CDC42BPA: variants seen among roughly 807,000 people sequenced by gnomAD.
CDC42BPA encodes the protein CDC42 binding protein kinase alpha.
Under a neutral mutation model 223.5 loss-of-function variants are expected in CDC42BPA, and 80 were observed. The observed-to-expected ratio is 0.36, with a 90% confidence interval of 0.30 to 0.43. The LOEUF is 0.43. Among genes scored for constraint, CDC42BPA ranks in the 20% least tolerant of loss-of-function variants. The pLI is 1.00. For missense variants in CDC42BPA, 1,743 were observed against 2,099.9 expected (o/e 0.83, Z 3.32); for synonymous variants, 694 against 718.6 (o/e 0.97, Z 0.55).
chr1:227,087,497 T>C (rs1397963352), intron 16 of CDC42BPA, among the ~76,000 whole-genome samples: 2 of 152,366 alleles, frequency 1.3e-5, no homozygotes, highest in Non-Finnish European at 2.9e-5. Context: ...ACTCAAAATA[T>C]CTGAACTATT....
intron 9 of CDC42BPA, among the ~76,000 whole-genome samples, chr1:227,140,201 T>C (rs1452413300): frequency 1.3e-5 from 2 of 152,152 alleles, no homozygotes; most frequent in African/African-American, 4.8e-5. Context: ...CTGCTGGACA[T>C]TTGGTGGTGA....
chr1:227,175,395 G>A (rs1666773509), intron 5 of CDC42BPA, among the ~76,000 whole-genome samples: 1 of 151,972 alleles, frequency 6.6e-6, no homozygotes, highest in African/African-American at 2.4e-5. Context: ...TAGAAAAAAA[G>A]TCATAGTCTA....
At chr1:227,169,890 A>C (rs1282612636) in intron 5 of CDC42BPA, among the ~76,000 whole-genome samples, 1 of 152,188 alleles carries the variant, frequency 6.6e-6, no homozygotes, top group East Asian at 1.9e-4. Flanking sequence ...CTCCTCATAC[A>C]TTTGGACCAT....
intron 5 of CDC42BPA, among the ~76,000 whole-genome samples, chr1:227,174,014 A>G (rs554867849): frequency 1.1e-4 from 17 of 152,234 alleles, no homozygotes; most frequent in African/African-American, 3.9e-4. Flanking sequence ...TATAGTAACT[A>G]TATTTATATT....
At chr1:227,054,338 G>C (rs529632109) in intron 21 of CDC42BPA, among the ~76,000 whole-genome samples, 6 of 152,308 alleles carry the variant, frequency 3.9e-5, no homozygotes, top group African/African-American at 1.4e-4. Context: ...CAGCAGGTCT[G>C]CTCTTTGAGC....
In CDC42BPA at chr1:226,990,708, TTAATGATACCTGAGATGCCACA is replaced by T. The variant is rs1202344688; in HGVS notation, c.*3538_*3559del. On this transcript the variant is annotated 3_prime_UTR_variant, in exon 37 of 37. Coordinates refer to ENST00000366766, the MANE Select transcript of CDC42BPA (RefSeq NM_001394014.1). ...TGCTCACCCCTGCTCTGGCTTTTCC[TTAATGATACCTGAGATGCCACA>T]TAAATGTAACCAGTCTTTCTCAGAA... 1 of 152,690 alleles carries T rather than the reference TTAATGATACCTGAGATGCCACA, an allele frequency of 6.5e-6. No individual in the cohort carries two copies. Among genetic ancestry groups the T allele is most frequent in the African/African-American group, 2.4e-5 (1 of 41,456 alleles). 9.5% of individuals were successfully genotyped at this position (152,690 alleles called of 1,614,324 possible).
chr1:227,154,550 C>A (rs903884149), intron 6 of CDC42BPA, among the ~76,000 whole-genome samples: 26 of 151,972 alleles, frequency 1.7e-4, no homozygotes, highest in Non-Finnish European at 2.4e-4. Context: ...TATACAAAAT[C>A]AATTCTAATC....
Position 227,276,640 on chromosome 1 carries a change from G to A in CDC42BPA, c.179-22485C>T, listed in dbSNP as rs529393128. ...GCGGTTTTGTCTAATAGAAAGGGGG[G>A]AAATGTGGGGAAAGGAAAGAGAGAT... On this transcript the variant is annotated intron_variant, in intron 1 of 36. Transcript: ENST00000366766. 1.1e-4 allele frequency among the ~76,000 whole-genome samples: 17 copies of A among 152,354 alleles called. No homozygotes were observed. The South Asian group carries it at 2.9e-3, about 26-fold the overall frequency.
chr1:227,288,305 G>A (rs944542729), intron 1 of CDC42BPA, among the ~76,000 whole-genome samples: 3 of 152,152 alleles, frequency 2.0e-5, no homozygotes, highest in Admixed American at 1.3e-4. Flanking sequence ...AGCCCAGGAG[G>A]TCTAAGCTGC....
intron 5 of CDC42BPA, among the ~76,000 whole-genome samples, chr1:227,193,124 A>C (rs1452716689): frequency 7.4e-6 from 1 of 135,816 alleles, no homozygotes; most frequent in Non-Finnish European, 1.5e-5. Flanking sequence ...GCTGGAGTGC[A>C]GTGGCGGGAT....
At chr1:227,187,441 A>G (rs1378410519) in intron 5 of CDC42BPA, among the ~76,000 whole-genome samples, 1 of 151,450 alleles carries the variant, frequency 6.6e-6, no homozygotes, top group South Asian at 2.1e-4. Context: ...GAGCTTGAGA[A>G]TATAATAGAA....
chr1:227,134,294 C>T (rs1371022890), intron 10 of CDC42BPA, among the ~76,000 whole-genome samples: 1 of 152,122 alleles, frequency 6.6e-6, no homozygotes, highest in African/African-American at 2.4e-5. Flanking sequence ...AATTTCTACT[C>T]TCCTCCTACT....
At chr1:227,129,926 T>C (rs1230310884) in intron 10 of CDC42BPA, among the ~76,000 whole-genome samples, 1 of 152,062 alleles carries the variant, frequency 6.6e-6, no homozygotes, top group Non-Finnish European at 1.5e-5. Flanking sequence ...GCAGAAATGC[T>C]GGCCTTCCAA....
At chr1:227,003,249 T>C (rs551593746) in intron 35 of CDC42BPA, among the ~76,000 whole-genome samples, 43 of 152,258 alleles carry the variant, frequency 2.8e-4, no homozygotes, top group South Asian at 1.0e-3. Flanking sequence ...AAATGTGAAA[T>C]TGGATTTAGT....
intron 11 of CDC42BPA, among the ~76,000 whole-genome samples, chr1:227,126,943 A>AAGCATATAGATC (rs973179177): frequency 3.3e-5 from 5 of 152,190 alleles, no homozygotes; most frequent in African/African-American, 9.7e-5. Context: ...AGGAAACAAA[A>AAGCATATAGATC]AGCATATAGA....
intron 6 of CDC42BPA, among the ~76,000 whole-genome samples, chr1:227,153,337 C>T (rs1662139685): frequency 6.6e-6 from 1 of 151,662 alleles, no homozygotes. Context: ...AATCTGATAC[C>T]AAATAGACCC....
At chr1:227,165,172 C>T (rs955044571) in intron 5 of CDC42BPA, among the ~76,000 whole-genome samples, 3 of 152,170 alleles carry the variant, frequency 2.0e-5, no homozygotes, top group African/African-American at 7.2e-5. Context: ...ACATGTTTAT[C>T]TCTGCTCCCT....
chr1:227,207,387 T>G (rs1389651095), intron 3 of CDC42BPA, among the ~76,000 whole-genome samples: 1 of 150,356 alleles, frequency 6.7e-6, no homozygotes, highest in South Asian at 2.1e-4. Flanking sequence ...TATTATACTT[T>G]AAGTTTTAGG....
In CDC42BPA at chr1:227,142,955, T is replaced by C. The variant is rs1659970884; in HGVS notation, c.1213A>G (p.Thr405Ala). The change falls in exon 9 of 37, where the codon ACT becomes GCT. Residue 405 changes from threonine to alanine, a missense_variant. Transcript: ENST00000366766. ...HHLPFVGFTYTSSCVLSDRSC... is the reference protein window; with the variant it reads ...HHLPFVGFTYASSCVLSDRSC... ...ACTTTTCAAACTTACCAGCTACTAGTATATGTAAAACCAACAAATGGCAGA... is the reference window on the plus strand; with the variant it reads ...ACTTTTCAAACTTACCAGCTACTAGCATATGTAAAACCAACAAATGGCAGA... 1.3e-6 allele frequency: 2 copies of C among 1,553,144 alleles called. No homozygotes were observed. Among genetic ancestry groups the C allele is most frequent in the Non-Finnish European group, 8.6e-7 (1 of 1,156,340 alleles).
Sources: allele counts gnomAD v4.1 joint callset (sites outside exome capture counted in the v4.1 genomes callset), GRCh38; gene constraint gnomAD v4.1.1; transcripts MANE v1.5; gene names NCBI Gene and HGNC (gene_info 2026-07-23, HGNC 2026-07-21).